COL16A1: variants seen among roughly 807,000 people sequenced by gnomAD.
COL16A1 encodes collagen type XVI alpha 1 chain.
A neutral mutation model predicts 266.3 loss-of-function variants in COL16A1; 189 were observed. The observed-to-expected ratio is 0.71, with a 90% CI of 0.63 to 0.80. COL16A1 has a LOEUF of 0.80. Ranked by LOEUF, COL16A1 falls within the 30% of genes least tolerant of loss-of-function variation. COL16A1 has a pLI of 0.00. For synonymous variants in COL16A1, 740 were observed against 782.3 expected (o/e 0.95, Z 0.90); for missense variants, 1,928 against 2,122.4 (o/e 0.91, Z 1.80).
intron 48 of COL16A1, among the ~76,000 whole-genome samples, chr1:31,671,271 TG>T: frequency 6.6e-6 from 1 of 152,304 alleles, no homozygotes; most frequent in African/African-American, 2.4e-5. Flanking sequence ...CATGCTTCCC[TG>T]GTTGGGAGGC....
intron 9 of COL16A1, 141 bp from the exon 10 acceptor site, chr1:31,695,928 C>T (rs1305218720): frequency 4.1e-6 from 4 of 980,976 alleles, no homozygotes; most frequent in East Asian, 2.4e-5. Context: ...CCCCATCCGT[C>T]CTTCTTGATC....
At chr1:31,665,071 A>T in intron 56 of COL16A1, 101 bp downstream of exon 56, 2 of 1,520,102 alleles carry the variant, frequency 1.3e-6, no homozygotes, top group South Asian at 2.5e-5. Context: ...CAACTGGGTC[A>T]GTCTTGGAAT....
intron 26 of COL16A1, 116 bp from the exon 27 acceptor site, chr1:31,686,395 G>A (rs1258707722): frequency 7.2e-7 from 1 of 1,392,686 alleles, no homozygotes; most frequent in African/African-American, 1.4e-5. Flanking sequence ...ACCCTCTCAT[G>A]TCCAGAGAGG....
intron 26 of COL16A1, chr1:31,686,513 A>G (rs1643985117): frequency 1.5e-6 from 1 of 678,870 alleles, no homozygotes. Flanking sequence ...ACCCTCAGCC[A>G]TGTCTCAGCA....
At chr1:31,667,669 A>T in intron 51 of COL16A1, 41 bp from the exon 52 acceptor site, 2 of 1,563,240 alleles carry the variant, frequency 1.3e-6, no homozygotes, top group East Asian at 4.6e-5. Context: ...GCCCCACAGA[A>T]TTAGTCCGTC....
chr1:31,677,285 C>T (rs1352635608), intron 42 of COL16A1, among the ~76,000 whole-genome samples: 3 of 152,188 alleles, frequency 2.0e-5, no homozygotes, highest in African/African-American at 4.8e-5. Flanking sequence ...GACGGGGTTT[C>T]GCCATGCTGG....
chr1:31,661,603 A>G, intron 59 of COL16A1, 57 bp downstream of exon 59: 1 of 1,612,134 alleles, frequency 6.2e-7, no homozygotes, highest in Non-Finnish European at 8.5e-7. Flanking sequence ...TGTTGCAGCC[A>G]CCCAGGCAGA....
At chr1:31,654,265 A>C (rs12067533) in intron 68 of COL16A1, among the ~76,000 whole-genome samples, 17 of 152,252 alleles carry the variant, frequency 1.1e-4, no homozygotes, top group African/African-American at 3.4e-4. Context: ...AGATCTGACT[A>C]TGGCATCTCT....
chr1:31,690,682 A>C (rs1354201624), intron 20 of COL16A1, 109 bp from the exon 21 acceptor site: 1 of 1,494,644 alleles, frequency 6.7e-7, no homozygotes, highest in Non-Finnish European at 9.0e-7. Flanking sequence ...ATCGTTGCCA[A>C]ATCTCTTGTT....
chr1:31,665,453 C>G, intron 55 of COL16A1, 130 bp downstream of exon 55: 1 of 1,536,740 alleles, frequency 6.5e-7, no homozygotes, highest in Non-Finnish European at 8.9e-7. Context: ...GGCCTGGCCA[C>G]CCAGGCCGTT....
Position 31,656,848 on chromosome 1 carries a change from C to T in COL16A1, c.4056+185G>A. 2 of 523,996 alleles carry T rather than the reference C, an allele frequency of 3.8e-6. No homozygotes were observed. Among genetic ancestry groups the T allele is most frequent in the Non-Finnish European group, 6.3e-6 (2 of 317,094 alleles). 32.5% of individuals were successfully genotyped at this position (523,996 alleles called of 1,614,324 possible). ...TAAAAAAAAAAAAAAAAAGGTAAAA[C>T]AAATCTCACTCCCATCCTTGGCCTC... is the stretch of plus-strand genomic sequence containing the variant. On this transcript the variant is annotated intron_variant, in intron 65 of 70. Transcript: ENST00000373672. The surrounding 1 kb of genome is among the most constrained non-coding windows in gnomAD (Gnocchi z 4.2).
chr1:31,657,066 GC>G lies in COL16A1; in HGVS notation c.4022del (p.Gly1341AlafsTer94). 1 of 1,614,066 alleles carries G rather than the reference GC, an allele frequency of 6.2e-7. No homozygotes were observed. Among genetic ancestry groups the G allele is most frequent in the Non-Finnish European group, 8.5e-7 (1 of 1,180,008 alleles). On this transcript the variant is annotated frameshift_variant and splice_region_variant, in exon 65 of 71. Coordinates refer to ENST00000373672, the MANE Select transcript of COL16A1 (RefSeq NM_001856.4). LOFTEE classifies it high-confidence loss of function. This position sits in a 1 kb window ranked among gnomAD's most constrained non-coding sequence, Gnocchi z 6.4. Reference sequence around the variant, plus strand: ...CAGCTGCACCATCCGTACCAGGTTCGCCCTGGGGAGTAGAGAGCAATGGAGA... The same window carrying G: ...CAGCTGCACCATCCGTACCAGGTTCGCCTGGGGAGTAGAGAGCAATGGAGA... ...PGPPGHPGPP[G>X]EPGTDGAAGK...
rs1643424544 is a variant in COL16A1, at chr1:31,679,302, A to C, written c.2772+330T>G. On this transcript the variant is annotated intron_variant, in intron 42 of 70. Transcript: ENST00000373672. ...GAAAATAGCAAATGTGCAAAAACAC[A>C]TGTTGCATGAATGAGTGTTGAATGC... The C allele has an allele frequency of 2.8e-6, 3 of 1,090,768 alleles. No homozygotes were observed. The East Asian group carries it at 7.8e-5, about 28-fold the overall frequency. The allele number at this position is 1,090,768 out of a possible 1,614,324, so 67.6% of individuals were successfully genotyped here. A position where few individuals can be genotyped will look rare whatever the true frequency, so the allele number is the denominator to read the frequency against.
At chr1:31,683,683 G>A (rs751281384) in intron 34 of COL16A1, 24 bp downstream of exon 34, 5 of 1,614,084 alleles carry the variant, frequency 3.1e-6, no homozygotes, top group Non-Finnish European at 3.4e-6. Context: ...GAGAGGACAG[G>A]CAAAGGCAGG....
chr1:31,683,668 G>T lies in COL16A1; in HGVS notation c.2379+39C>A. ...GGAAGTAGGTAGCTGGCTAATGGAAGTGCTGAGAGGACAGGCAAAGGCAGG... is the reference window on the plus strand; with the variant it reads ...GGAAGTAGGTAGCTGGCTAATGGAATTGCTGAGAGGACAGGCAAAGGCAGG... On this transcript the variant is annotated intron_variant, in intron 34 of 70. Transcript: ENST00000373672. 1.2e-6 allele frequency: 2 copies of T among 1,613,984 alleles called. 1 individual carries two copies. Among genetic ancestry groups the T allele is most frequent in the South Asian group, 2.2e-5 (2 of 91,086 alleles).
chr1:31,695,457 A>C (rs1644456075), intron 10 of COL16A1, among the ~76,000 whole-genome samples: 1 of 119,362 alleles, frequency 8.4e-6, no homozygotes, highest in African/African-American at 3.2e-5. Flanking sequence ...AATATGCCCC[A>C]GGTCACACAG....
Position 31,694,163 on chromosome 1 carries a change from A to C in COL16A1, c.989T>G (p.Leu330Arg), listed in dbSNP as rs200436333. ...ACTCACCTTGGGGCCAGAGGGAGCA[A>C]GTGTGACCTGAGGGGACAGAGGAGA... is the stretch of plus-strand genomic sequence containing the variant. ...VHGARDSNVTLAPSGPKGGKG... is the reference protein window; with the variant it reads ...VHGARDSNVTRAPSGPKGGKG... The change falls in exon 12 of 71, where the codon CTT (leucine) becomes CGT (arginine). Residue 330 changes from leucine to arginine, a missense_variant. By Grantham distance (102) the Leu-to-Arg change is moderately radical. This residue lies in a region of COL16A1 where 1,552 missense variants were observed against 1,637.2 expected (regional missense o/e 0.95). Coordinates refer to ENST00000373672, the MANE Select transcript of COL16A1 (RefSeq NM_001856.4). 69 of 1,596,232 alleles carry C rather than the reference A, an allele frequency of 4.3e-5. No individual in the cohort carries two copies. The African/African-American group carries it at 8.3e-4, about 19-fold the overall frequency.
In COL16A1 at chr1:31,657,158, C is replaced by G. The variant is rs1191006518; in HGVS notation, c.4021-90G>C. ...TTTGTACATGGGGCAAGCCCAGCCC[C>G]CTGTTCCACCCAGAGGCCACGATCC... On this transcript the variant is annotated intron_variant, in intron 64 of 70. Coordinates refer to ENST00000373672, the MANE Select transcript of COL16A1 (RefSeq NM_001856.4). The surrounding 1 kb of genome is among the most constrained non-coding windows in gnomAD (Gnocchi z 6.4). 7.2e-6 allele frequency: 11 copies of G among 1,537,578 alleles called. No homozygotes were observed. Among genetic ancestry groups the G allele is most frequent in the Admixed American group, 1.7e-5 (1 of 59,752 alleles).
rs182114587 is a variant in COL16A1 at position 31,689,686 on chromosome 1, C to G, written c.1620+55G>C. The G allele has an allele frequency of 8.4e-4, 1,198 of 1,421,716 alleles. 5 individuals carry two copies. In the African/African-American group the frequency reaches 0.015, roughly 18 times the overall value. 88.1% of individuals were successfully genotyped at this position (1,421,716 alleles called of 1,614,324 possible). ...CCAATTCCTCTCTATGATCATGTCC[C>G]CAGGTTTCTTTGTGTGTTGGGGGAG... On this transcript the variant is annotated intron_variant, in intron 23 of 70. Coordinates refer to ENST00000373672, the MANE Select transcript of COL16A1 (RefSeq NM_001856.4).
Sources: gnomAD v4.1 joint callset for allele counts (sites outside exome capture counted in the v4.1 genomes callset) on GRCh38, gnomAD v4.1.1 for gene constraint, gnomAD v4.1.1 regional missense constraint, Gnocchi (gnomAD v3.1) non-coding constraint, MANE v1.5 for transcripts, NCBI Gene and HGNC (gene_info 2026-07-23, HGNC 2026-07-21) for gene names.